The following PRRG4 variants were observed in gnomAD, a reference collection of about 807,000 sequenced individuals.
The protein encoded by PRRG4 is proline rich and Gla domain 4, also known as transmembrane gamma-carboxyglutamic acid protein 4.
In PRRG4, 12 loss-of-function variants were observed where a neutral mutation model predicts 20.0. That is an observed-to-expected ratio of 0.60 (90% CI 0.38 to 0.97). PRRG4 has a LOEUF of 0.97. Ranked by LOEUF, PRRG4 falls within the 50% of genes least tolerant of loss-of-function variation. PRRG4 has a pLI of 0.00. For missense variants in PRRG4, 199 were observed against 265.1 expected, an observed-to-expected ratio of 0.75 and a Z score of 1.73; for synonymous variants, 94 against 96.4, an observed-to-expected ratio of 0.98 and a Z score of 0.15.
chr11:32,854,796 A>G lies in PRRG4; in HGVS notation c.*1269A>G, dbSNP rs1851216751. 6.6e-6 allele frequency: 1 copy of G among 152,174 alleles called. No homozygotes were observed. Among genetic ancestry groups the G allele is most frequent in the Non-Finnish European group, 1.5e-5 (1 of 68,044 alleles). The allele number at this position is 152,174 out of a possible 1,614,324, so 9.4% of individuals were successfully genotyped here. A position where few individuals can be genotyped will look rare whatever the true frequency, so the allele number is the denominator to read the frequency against. On this transcript the variant is annotated 3_prime_UTR_variant, in exon 6 of 6. Coordinates refer to ENST00000257836, the MANE Select transcript of PRRG4 (RefSeq NM_024081.6). Reference sequence around the variant, plus strand: ...ATGTTTTATTATAGGTAGTGGGGTCAGTAGTTTTCTTCTTCTAAAAAATAC... The same window carrying G: ...ATGTTTTATTATAGGTAGTGGGGTCGGTAGTTTTCTTCTTCTAAAAAATAC...
chr11:32,835,873 G>T (rs1851015179), intron 2 of PRRG4, among the ~76,000 whole-genome samples: 1 of 152,206 alleles, frequency 6.6e-6, no homozygotes, highest in Middle Eastern at 3.4e-3. Context: ...GGAGGCTCAG[G>T]TGGGTGGATC....
chr11:32,848,223 A>G (rs1851148474), intron 5 of PRRG4, among the ~76,000 whole-genome samples: 1 of 152,150 alleles, frequency 6.6e-6, no homozygotes, highest in Admixed American at 6.6e-5. Context: ...ATGGCAGAAG[A>G]GCAGAAGAAA....
intron 3 of PRRG4, among the ~76,000 whole-genome samples, chr11:32,838,397 A>G (rs905664381): frequency 2.4e-4 from 37 of 152,130 alleles, no homozygotes; most frequent in Middle Eastern, 3.4e-3. Flanking sequence ...TCAAGGCTGC[A>G]GTGAGCCATG....
chr11:32,846,315 C>A (rs1439280622), intron 5 of PRRG4, among the ~76,000 whole-genome samples: 1 of 152,126 alleles, frequency 6.6e-6, no homozygotes, highest in Non-Finnish European at 1.5e-5. Context: ...AAGCCCTTGA[C>A]CAGAGATTTA....
chr11:32,836,781 A>T lies in PRRG4; in HGVS notation c.227A>T (p.Tyr76Phe), dbSNP rs756917342. ...ERECNEELCN[Y>F]EEAREIFVDE... ...GAGTGCAATGAAGAACTTTGCAATT[A>T]TGAGGAAGCCAGAGAGATTTTTGTG... Residue 76 changes from tyrosine (Y) to phenylalanine (F), a missense_variant, in exon 3 of 6, where the codon TAT becomes TTT. Transcript: ENST00000257836. 1.2e-6 allele frequency: 2 copies of T among 1,613,396 alleles called. No individual in the cohort carries two copies. Among genetic ancestry groups the T allele is most frequent in the Non-Finnish European group, 1.7e-6 (2 of 1,179,622 alleles).
chr11:32,831,343 C>T (rs986710843), intron 2 of PRRG4, among the ~76,000 whole-genome samples: 2 of 152,212 alleles, frequency 1.3e-5, no homozygotes, highest in African/African-American at 4.8e-5. Flanking sequence ...AGTGTCAGTA[C>T]TCTGGATCCA....
intron 2 of PRRG4, among the ~76,000 whole-genome samples, chr11:32,830,948 A>G (rs1850965218): frequency 6.6e-6 from 1 of 152,180 alleles, no homozygotes; most frequent in Non-Finnish European, 1.5e-5. Context: ...GGCGATTATA[A>G]TAAGCATAAT....
intron 5 of PRRG4, among the ~76,000 whole-genome samples, chr11:32,845,847 A>T (rs1291734682): frequency 6.6e-6 from 1 of 151,858 alleles, no homozygotes; most frequent in East Asian, 1.9e-4. Flanking sequence ...TTGACCAAAG[A>T]TTTTTTAAAA....
intron 2 of PRRG4, among the ~76,000 whole-genome samples, chr11:32,832,295 G>C (rs1179643546): frequency 1.3e-5 from 2 of 152,124 alleles, no homozygotes; most frequent in African/African-American, 4.8e-5. Context: ...TTAAACAGAC[G>C]ATCTCCATCA....
chr11:32,846,016 G>C (rs1313108346), intron 5 of PRRG4, among the ~76,000 whole-genome samples: 2 of 152,028 alleles, frequency 1.3e-5, no homozygotes, highest in African/African-American at 4.8e-5. Context: ...AAATTAGCCA[G>C]GTGTGGTGGT....
chr11:32,841,444 A>T lies in PRRG4; in HGVS notation c.449+1205A>T, dbSNP rs113415543. 4.4e-3 allele frequency among the ~76,000 whole-genome samples: 677 copies of T among 152,344 alleles called. 5 individuals are homozygous for T. Among genetic ancestry groups the T allele is most frequent in the Non-Finnish European group, 7.4e-3 (500 of 68,026 alleles). ...ACTGTTCCAAATTAAAGTAAATGAC[A>T]TGACAATTAATGCAATGTGTGATCC... On this transcript the variant is annotated intron_variant, in intron 5 of 5. Transcript: ENST00000257836.
At position 32,857,170 on chromosome 11, in the gene PRRG4, CAGA is replaced by C. The variant is rs1851233644; in HGVS notation, c.*3646_*3648del. The C allele has an allele frequency of 7.3e-6, 1 of 137,578 alleles. No individual in the cohort carries two copies. The highest frequency in any genetic ancestry group is 2.2e-4 in the East Asian group (1 of 4,564). The allele number at this position is 137,578 out of a possible 1,614,324, so 8.5% of individuals were successfully genotyped here. ...TTTGCATCTTTTTTTTTTTTTTTTC[CAGA>C]AGGAGTCTCACTTTGTCACCCAGGC... On this transcript the variant is annotated 3_prime_UTR_variant, in exon 6 of 6. Coordinates refer to ENST00000257836, the MANE Select transcript of PRRG4 (RefSeq NM_024081.6).
intron 5 of PRRG4, among the ~76,000 whole-genome samples, chr11:32,851,048 C>T (rs1010266802): frequency 2.0e-5 from 3 of 151,992 alleles, no homozygotes; most frequent in Admixed American, 6.6e-5. Flanking sequence ...ACTCCAATCT[C>T]GGCAACAGGA....
At chr11:32,831,537 G>A (rs952976758) in intron 2 of PRRG4, among the ~76,000 whole-genome samples, 4 of 152,204 alleles carry the variant, frequency 2.6e-5, no homozygotes, top group Non-Finnish European at 5.9e-5. Context: ...TCTGATGACA[G>A]AATTCTAGCA....
Position 32,857,612 on chromosome 11 carries a change from T to C in PRRG4, c.*4085T>C, listed in dbSNP as rs1013529212. On this transcript the variant is annotated 3_prime_UTR_variant, in exon 6 of 6. Coordinates refer to ENST00000257836, the MANE Select transcript of PRRG4 (RefSeq NM_024081.6). ...CTACTTCTCAGATAATTTATGTGTG[T>C]GTACTCTTCCTAGACGTACAAGAGA... 2.6e-5 allele frequency: 4 copies of C among 152,264 alleles called. No homozygotes were observed. The highest frequency in any genetic ancestry group is 9.6e-5 in the African/African-American group (4 of 41,474). 9.4% of individuals were successfully genotyped at this position (152,264 alleles called of 1,614,324 possible). A position where few individuals can be genotyped will look rare whatever the true frequency, so the allele number is the denominator to read the frequency against.
At chr11:32,837,550 T>C (rs544308067) in intron 3 of PRRG4, among the ~76,000 whole-genome samples, 1 of 123,986 alleles carries the variant, frequency 8.1e-6, no homozygotes, top group Non-Finnish European at 1.7e-5. Flanking sequence ...TGATTATTAT[T>C]ATTATTATTA....
rs781664633 is a variant in PRRG4 at position 32,840,119 on chromosome 11, A to G, written c.329A>G (p.Glu110Gly). The G allele has an allele frequency of 6.2e-7, 1 of 1,603,350 alleles. No individual in the cohort carries two copies. ...GPTTKSDGNREKIDVMGLLTG... is the reference protein window; with the variant it reads ...GPTTKSDGNRGKIDVMGLLTG... ...GATTTATTTTAAGATGGCAACAGAGAGAAAATAGATGTTATGGGCCTTCTG... is the reference window on the plus strand; with the variant it reads ...GATTTATTTTAAGATGGCAACAGAGGGAAAATAGATGTTATGGGCCTTCTG... The change falls in exon 5 of 6, where the codon GAG becomes GGG. Residue 110 changes from glutamate (E) to glycine (G), a missense_variant. Coordinates refer to ENST00000257836, the MANE Select transcript of PRRG4 (RefSeq NM_024081.6). The surrounding 1 kb of genome is among the most constrained non-coding windows in gnomAD (Gnocchi z 4.1).
intron 2 of PRRG4, among the ~76,000 whole-genome samples, chr11:32,832,841 A>T (rs1046708619): frequency 6.6e-6 from 1 of 152,166 alleles, no homozygotes; most frequent in African/African-American, 2.4e-5. Flanking sequence ...GCTATTTAGA[A>T]AACATGAGGA....
intron 3 of PRRG4, 48 bp downstream of exon 3, chr11:32,836,869 T>A: frequency 6.7e-7 from 1 of 1,502,264 alleles, no homozygotes; most frequent in Non-Finnish European, 9.1e-7. Flanking sequence ...AAATTGTACT[T>A]AAGAAAGTGG....
Sources: gnomAD v4.1 joint callset for allele counts (sites outside exome capture counted in the v4.1 genomes callset) on GRCh38, gnomAD v4.1.1 for gene constraint, Gnocchi (gnomAD v3.1) non-coding constraint, MANE v1.5 for transcripts, NCBI Gene and HGNC (gene_info 2026-07-23, HGNC 2026-07-21) for gene names.